Variants in GCA observed in about 807,000 individuals in gnomAD.
GCA encodes grancalcin, also known as grancalcin, EF-hand calcium-binding protein.
A neutral mutation model predicts 32.6 loss-of-function variants in GCA; 30 were observed. The observed-to-expected ratio is 0.92, with a 90% CI of 0.69 to 1.25. The LOEUF is 1.25. Among genes scored for constraint, GCA ranks in the 50% most tolerant of loss-of-function variants. The pLI is 0.00. For synonymous variants in GCA, 102 were observed against 84.6 expected (o/e 1.21, Z -1.13); for missense variants, 291 against 266.8 (o/e 1.09, Z -0.63).
chr2:162,324,276 C>T (rs998560811), intron 1 of GCA, among the ~76,000 whole-genome samples: 1 of 152,140 alleles, frequency 6.6e-6, no homozygotes, highest in African/African-American at 2.4e-5. Context: ...CTGGAAGAAT[C>T]GGATCACACC....
chr2:162,369,109 A>C (rs902964776), intron 4 of GCA, among the ~76,000 whole-genome samples: 1 of 152,112 alleles, frequency 6.6e-6, no homozygotes, highest in Non-Finnish European at 1.5e-5. Context: ...CTACACTGCC[A>C]TTATGATTGG....
In GCA at chr2:162,362,916, A is replaced by C. The variant is rs187509919; in HGVS notation, c.*2673A>C. Among the ~76,000 whole-genome samples, 1 of 151,416 alleles carries C rather than the reference A, an allele frequency of 6.6e-6. No homozygotes were observed. The highest frequency in any genetic ancestry group is 2.4e-5 in the African/African-American group (1 of 41,374). On this transcript the variant is annotated 3_prime_UTR_variant, in exon 8 of 8. Coordinates refer to ENST00000437150, the MANE Select transcript of GCA (RefSeq NM_012198.5). ...TCCAGAAAAAAGTAACAAAAAATGTAGTCAAGTTATGTTTATTTCCAAAAA... is the reference window on the plus strand; with the variant it reads ...TCCAGAAAAAAGTAACAAAAAATGTCGTCAAGTTATGTTTATTTCCAAAAA...
intron 3 of GCA, 83 bp downstream of exon 3, chr2:162,352,490 TAA>T: frequency 3.5e-6 from 3 of 847,750 alleles, no homozygotes; most frequent in Non-Finnish European, 5.9e-6. Context: ...TTAAAATGTT[TAA>T]AAAATTATCA....
upstream of GCA, among the ~76,000 whole-genome samples, chr2:162,343,360 AAG>A (rs1289754626): frequency 6.6e-6 from 1 of 152,224 alleles, no homozygotes; most frequent in Non-Finnish European, 1.5e-5. Context: ...AACATTTAAC[AAG>A]AGTTTGCCCA....
chr2:162,358,504 A>G (rs1009758343), intron 5 of GCA, among the ~76,000 whole-genome samples: 4 of 151,422 alleles, frequency 2.6e-5, no homozygotes, highest in Non-Finnish European at 5.9e-5. Flanking sequence ...AGCTGTTATT[A>G]TTATTACAGT....
At chr2:162,344,409 CG>C in intron 1 of GCA, 134 bp downstream of exon 1, 1 of 832,884 alleles carries the variant, frequency 1.2e-6, no homozygotes, top group Non-Finnish European at 1.9e-6. Flanking sequence ...CGCCGGATTC[CG>C]GGGCTGTTGG....
downstream of GCA, chr2:162,372,213 ATAT>A (rs1685976018): frequency 1.2e-6 from 1 of 812,236 alleles, no homozygotes; most frequent in South Asian, 1.9e-5. Flanking sequence ...TTGATTAGTG[ATAT>A]TAGCCAACAT....
chr2:162,349,870 G>T (rs1558896813), intron 2 of GCA, among the ~76,000 whole-genome samples: 1 of 152,150 alleles, frequency 6.6e-6, no homozygotes, highest in Non-Finnish European at 1.5e-5. Flanking sequence ...TAATGGTCAA[G>T]AAAGATTTAT....
chr2:162,370,014 A>T (rs1398518646), intron 4 of GCA, among the ~76,000 whole-genome samples: 2 of 152,170 alleles, frequency 1.3e-5, no homozygotes, highest in African/African-American at 4.8e-5. Context: ...GGTTTTTCAA[A>T]AATTAAGCAG....
At chr2:162,374,588 A>C (rs1189835355), downstream of GCA, among the ~76,000 whole-genome samples, 1 of 152,192 alleles carries the variant, frequency 6.6e-6, no homozygotes, top group Admixed American at 6.5e-5. Flanking sequence ...AAAACAAAAA[A>C]AGGAAAATCA....
chr2:162,329,878 T>C (rs1203539480), intron 1 of GCA, among the ~76,000 whole-genome samples: 2 of 152,118 alleles, frequency 1.3e-5, no homozygotes, highest in South Asian at 2.1e-4. Flanking sequence ...CGTTCCCCCA[T>C]GTGTTCTCAT....
intron 1 of GCA, chr2:162,346,447 A>T (rs891497382): frequency 1.3e-5 from 2 of 152,228 alleles, no homozygotes; most frequent in Non-Finnish European, 2.9e-5. Context: ...AAAGGCACAG[A>T]CTATTTCTCC....
chr2:162,328,040 G>A (rs962691445), intron 1 of GCA, among the ~76,000 whole-genome samples: 15 of 151,966 alleles, frequency 9.9e-5, no homozygotes, highest in African/African-American at 3.4e-4. Context: ...TTAGCCCGTC[G>A]CTGCACTGTG....
intron 3 of GCA, among the ~76,000 whole-genome samples, chr2:162,355,810 A>G (rs1685238339): frequency 1.3e-5 from 2 of 151,078 alleles, no homozygotes; most frequent in Non-Finnish European, 3.0e-5. Flanking sequence ...TACTTGGTCT[A>G]TTACAATAAA....
In GCA at chr2:162,347,490, C is replaced by T. The variant is rs143701319; in HGVS notation, c.28-88C>T. ...CTTTTGGTAACTGTTTACTTTTTGA[C>T]GGACTTCTAATAATTTCTTTTAATC... On this transcript the variant is annotated intron_variant, in intron 1 of 7. Coordinates refer to ENST00000437150, the MANE Select transcript of GCA (RefSeq NM_012198.5). The T allele has an allele frequency of 2.1e-3, 1,670 of 787,698 alleles. 16 individuals are homozygous for T. Among genetic ancestry groups the T allele is most frequent in the South Asian group, 0.019 (609 of 31,726 alleles). The allele number at this position is 787,698 out of a possible 1,614,324, so 48.8% of individuals were successfully genotyped here.
intron 1 of GCA, among the ~76,000 whole-genome samples, chr2:162,320,799 G>A (rs1683634766): frequency 6.6e-6 from 1 of 152,162 alleles, no homozygotes; most frequent in African/African-American, 2.4e-5. Context: ...ATTCTAATGG[G>A]AGTGGGAAGA....
intron 1 of GCA, among the ~76,000 whole-genome samples, chr2:162,336,708 A>G (rs1405284924): frequency 6.6e-6 from 1 of 152,218 alleles, no homozygotes; most frequent in Non-Finnish European, 1.5e-5. Context: ...TTAATTAAGT[A>G]TCAATTAATC....
Position 162,362,453 on chromosome 2 carries a change from A to G in GCA, c.*2210A>G. The G allele has an allele frequency of 1.0e-6, 1 of 963,386 alleles. No individual in the cohort carries two copies. The highest frequency in any genetic ancestry group is 1.2e-6 in the Non-Finnish European group (1 of 810,064). The allele number at this position is 963,386 out of a possible 1,614,324, so 59.7% of individuals were successfully genotyped here. A position where few individuals can be genotyped will look rare whatever the true frequency, so the allele number is the denominator to read the frequency against. The stretch of plus-strand genomic sequence containing the variant: ...AATAACTGATATTTTTATGATGAAC[A>G]TGACTGTAATATGAATATAGTATAG... On this transcript the variant is annotated 3_prime_UTR_variant, in exon 8 of 8. Transcript: ENST00000437150.
downstream of GCA, among the ~76,000 whole-genome samples, chr2:162,366,260 T>G (rs1187171048): frequency 6.6e-6 from 1 of 151,834 alleles, no homozygotes; most frequent in East Asian, 1.9e-4. Flanking sequence ...ACTGGCAGTA[T>G]TTCTTTAATC....
Sources: gnomAD v4.1 joint callset for allele counts (sites outside exome capture counted in the v4.1 genomes callset) on GRCh38, gnomAD v4.1.1 for gene constraint, MANE v1.5 for transcripts, NCBI Gene and HGNC (gene_info 2026-07-23, HGNC 2026-07-21) for gene names.